The following THRB variants were observed in gnomAD, a reference collection of about 807,000 sequenced individuals.
The protein encoded by THRB is thyroid hormone receptor beta, also known as nuclear receptor subfamily 1 group A member 2.
In THRB, 12 loss-of-function variants were observed where a neutral mutation model predicts 47.8. The observed-to-expected ratio is 0.25, with a 90% CI of 0.16 to 0.41. The LOEUF (loss-of-function observed/expected upper bound fraction) is 0.41, where lower values mean the gene tolerates loss of function less well. Ranked by LOEUF, THRB falls within the 10% of genes least tolerant of loss-of-function variation. The pLI, the probability that THRB is intolerant of heterozygous loss-of-function variation, is 1.00. For missense variants in THRB, 348 were observed against 589.2 expected (o/e 0.59, Z 4.24); for synonymous variants, 218 against 212.2 (o/e 1.03, Z -0.24).
chr3:24,445,162 CT>C (rs1560203550), intron 1 of THRB, among the ~76,000 whole-genome samples: 2 of 151,900 alleles, frequency 1.3e-5, no homozygotes, highest in Non-Finnish European at 2.9e-5. Context: ...GAAAAGAGCA[CT>C]TATTTAATAA....
intron 3 of THRB, among the ~76,000 whole-genome samples, chr3:24,274,436 G>C (rs1026907456): frequency 2.0e-5 from 3 of 151,982 alleles, no homozygotes; most frequent in Non-Finnish European, 4.4e-5. Context: ...TTTCTTTGTG[G>C]GTTATATGCA....
intron 1 of THRB, among the ~76,000 whole-genome samples, chr3:24,421,019 T>TA (rs1304143078): frequency 1.3e-5 from 2 of 151,870 alleles, no homozygotes; most frequent in East Asian, 3.9e-4. Context: ...TATGCAGCCA[T>TA]AAAAAAGAAT....
rs569990276 is a variant in THRB, at chr3:24,411,379, C to T, written c.-260-74008G>A. ...CATAGGTTAAGTAGGGACAGGTGAG[C>T]CAAAAGAGATCTCTGAGATGTTTTA... is the stretch of plus-strand genomic sequence containing the variant. On this transcript the variant is annotated intron_variant, in intron 1 of 10. Transcript: ENST00000646209. Among the ~76,000 whole-genome samples the T allele has an allele frequency of 8.6e-5, 13 of 151,686 alleles. No individual in the cohort carries two copies. In the South Asian group the frequency reaches 2.7e-3, roughly 32 times the overall value.
chr3:24,121,711 T>G lies in THRB; in HGVS notation c.*1173A>C, dbSNP rs886058288. 9 of 152,318 alleles carry G rather than the reference T, an allele frequency of 5.9e-5. No homozygotes were observed. The highest frequency in any genetic ancestry group is 2.6e-4 in the Admixed American group (4 of 15,292). 9.4% of individuals were successfully genotyped at this position (152,318 alleles called of 1,614,324 possible). On this transcript the variant is annotated 3_prime_UTR_variant, in exon 11 of 11. Coordinates refer to ENST00000646209, the MANE Select transcript of THRB (RefSeq NM_001354712.2). ...CTCTGTTTAGAGATAGTCAAGCTAT[T>G]TAGTTCCTCAGAGTCAGAGGGAAAA...
chr3:24,322,984 A>G (rs749748571), intron 2 of THRB, among the ~76,000 whole-genome samples: 15 of 152,296 alleles, frequency 9.8e-5, no homozygotes, highest in Non-Finnish European at 1.9e-4. Flanking sequence ...GAATTTGGCC[A>G]TAAGAGCATT....
chr3:24,167,277 A>G (rs1261168273), intron 5 of THRB, among the ~76,000 whole-genome samples: 1 of 152,198 alleles, frequency 6.6e-6, no homozygotes, highest in Non-Finnish European at 1.5e-5. Context: ...GTCAGTTGGT[A>G]TATATTTGAA....
At chr3:24,398,196 C>T (rs2067117702) in intron 1 of THRB, among the ~76,000 whole-genome samples, 2 of 151,946 alleles carry the variant, frequency 1.3e-5, no homozygotes, top group South Asian at 4.2e-4. Context: ...AAAATGTGGG[C>T]AATCAGAAAC....
intron 1 of THRB, among the ~76,000 whole-genome samples, chr3:24,340,949 C>T (rs1391437229): frequency 1.3e-5 from 2 of 151,536 alleles, no homozygotes; most frequent in Non-Finnish European, 2.9e-5. Flanking sequence ...GAATTTTCCT[C>T]CCTGTTTCCT....
At chr3:24,424,001 T>C (rs1211421827) in intron 1 of THRB, among the ~76,000 whole-genome samples, 1 of 151,942 alleles carries the variant, frequency 6.6e-6, no homozygotes, top group Non-Finnish European at 1.5e-5. Flanking sequence ...TTACTGAGAA[T>C]CATCAAAGCA....
chr3:24,463,927 T>C (rs1254600871), intron 1 of THRB, among the ~76,000 whole-genome samples: 3 of 152,134 alleles, frequency 2.0e-5, no homozygotes, highest in Non-Finnish European at 2.9e-5. Context: ...TATCGACACT[T>C]TGAAAATGCA....
At chr3:24,360,534 G>T (rs1316047180) in intron 1 of THRB, among the ~76,000 whole-genome samples, 1 of 152,124 alleles carries the variant, frequency 6.6e-6, no homozygotes, top group African/African-American at 2.4e-5. Context: ...ATGGAGAACT[G>T]CTTTTTACCG....
At chr3:24,355,053 T>C (rs73043737) in intron 1 of THRB, among the ~76,000 whole-genome samples, 7,204 of 152,068 alleles carry the variant, frequency 0.047, 227 homozygotes, top group Middle Eastern at 0.092. Flanking sequence ...AAGAAGAAAA[T>C]AGTAACTTTC....
At chr3:24,477,342 T>C (rs1695642497) in intron 1 of THRB, among the ~76,000 whole-genome samples, 1 of 152,156 alleles carries the variant, frequency 6.6e-6, no homozygotes, top group South Asian at 2.1e-4. Flanking sequence ...TATAGTTTGT[T>C]TTCTGCACTT....
Position 24,205,751 on chromosome 3 carries a change from A to G in THRB, c.23-15417T>C, listed in dbSNP as rs62180019. On this transcript the variant is annotated intron_variant, in intron 4 of 10. Transcript: ENST00000646209. ...ACCCATCAGTGTGCTGTATTCAGGA[A>G]ACCCATCTCATGTGCAGAGACACAC... Among the ~76,000 whole-genome samples the G allele has an allele frequency of 5.8e-3, 887 of 152,320 alleles. 9 individuals carry two copies. The highest frequency in any genetic ancestry group is 0.042 in the South Asian group (204 of 4,824).
intron 2 of THRB, among the ~76,000 whole-genome samples, chr3:24,318,915 G>A (rs750347409): frequency 5.3e-5 from 8 of 152,146 alleles, no homozygotes; most frequent in Non-Finnish European, 1.0e-4. Flanking sequence ...CCTTAAAAGG[G>A]TTAGGAATTC....
At chr3:24,289,292 C>A (rs1189876600) in intron 3 of THRB, among the ~76,000 whole-genome samples, 1 of 152,202 alleles carries the variant, frequency 6.6e-6, no homozygotes, top group Non-Finnish European at 1.5e-5. Flanking sequence ...AACTGTATCA[C>A]AAATTTCTAA....
chr3:24,311,560 C>G (rs896354995), intron 2 of THRB, among the ~76,000 whole-genome samples: 2 of 152,102 alleles, frequency 1.3e-5, no homozygotes, highest in Non-Finnish European at 2.9e-5. Context: ...TTCCCTAAGC[C>G]CCTTTTTTAC....
At chr3:24,403,260 T>C (rs28380451) in intron 1 of THRB, among the ~76,000 whole-genome samples, 72,362 of 151,740 alleles carry the variant, frequency 0.48, 17,480 homozygotes, top group Admixed American at 0.52. Flanking sequence ...TACAAAATCA[T>C]GTACAGAAAG....
chr3:24,284,652 G>A (rs9758729), intron 3 of THRB, among the ~76,000 whole-genome samples: 169 of 143,756 alleles, frequency 1.2e-3, no homozygotes, highest in African/African-American at 4.0e-3. Flanking sequence ...GCAACCTACA[G>A]AATGGGAGAA....
Sources: gnomAD v4.1 joint callset for allele counts (sites outside exome capture counted in the v4.1 genomes callset) on GRCh38, gnomAD v4.1.1 for gene constraint, MANE v1.5 for transcripts, NCBI Gene and HGNC (gene_info 2026-07-23, HGNC 2026-07-21) for gene names.